The following PRKDC variants were observed in gnomAD, a reference collection of about 807,000 sequenced individuals.
PRKDC encodes the protein protein kinase, DNA-activated, catalytic subunit, also known as DNA-dependent protein kinase catalytic subunit.
In PRKDC, 82 loss-of-function variants were observed where a neutral mutation model predicts 486.9. That is an observed-to-expected ratio of 0.17 (90% confidence interval 0.14 to 0.20). The LOEUF is 0.20. Ranked by LOEUF, PRKDC falls within the 10% of genes least tolerant of loss-of-function variation. The probability of loss-of-function intolerance (pLI) is 1.00; values close to 1 mark genes in which losing one functional copy is unlikely to be tolerated. For missense variants in PRKDC, 4,504 were observed against 5,038.2 expected (o/e 0.89, Z 3.21); for synonymous variants, 1,895 against 1,837.0 (o/e 1.03, Z -0.81).
intron 68 of PRKDC, among the ~76,000 whole-genome samples, chr8:47,813,057 T>C (rs2087366684): frequency 6.6e-6 from 1 of 151,758 alleles, no homozygotes. Flanking sequence ...GATTGAAAAA[T>C]ACAATTTAAC....
At chr8:47,867,956 TCTTC>T (rs1425841623) in intron 40 of PRKDC, among the ~76,000 whole-genome samples, 1 of 152,226 alleles carries the variant, frequency 6.6e-6, no homozygotes, top group Non-Finnish European at 1.5e-5. Flanking sequence ...TAATGAGTTT[TCTTC>T]CTTTATTCTA....
intron 45 of PRKDC, among the ~76,000 whole-genome samples, chr8:47,860,274 T>A (rs2088646256): frequency 6.6e-6 from 1 of 152,224 alleles, no homozygotes; most frequent in Non-Finnish European, 1.5e-5. Context: ...AGGAAGAGTC[T>A]ACTTCAGGGG....
intron 21 of PRKDC, among the ~76,000 whole-genome samples, chr8:47,926,155 T>C (rs2090154153): frequency 6.6e-6 from 1 of 152,238 alleles, no homozygotes; most frequent in African/African-American, 2.4e-5. Context: ...TTCATTTTAC[T>C]AAGTGATGTA....
At chr8:47,933,295 TAA>T (rs1338730416) in intron 15 of PRKDC, 123 bp from the exon 16 acceptor site, 1 of 765,006 alleles carries the variant, frequency 1.3e-6, no homozygotes, top group Non-Finnish European at 1.9e-6. Flanking sequence ...ACAGTGATGA[TAA>T]ACTGCAGCAG....
intron 30 of PRKDC, among the ~76,000 whole-genome samples, chr8:47,894,907 T>C (rs1471932575): frequency 6.6e-6 from 1 of 151,946 alleles, no homozygotes; most frequent in Non-Finnish European, 1.5e-5. Context: ...AGACCCTATC[T>C]CTACAAAAAA....
chr8:47,904,989 T>C lies in PRKDC; in HGVS notation c.2935-13A>G, dbSNP rs761624091. On this transcript the variant is annotated splice_polypyrimidine_tract_variant and intron_variant, in intron 25 of 85. Coordinates refer to ENST00000314191, the MANE Select transcript of PRKDC (RefSeq NM_006904.7). ...GTTGCCTTGTCACCTGAAGAAACAA[T>C]ACCATTAAAGTTAATTCCCTTCATG... 4 of 1,571,496 alleles carry C rather than the reference T, an allele frequency of 2.5e-6. No individual in the cohort carries two copies. The highest frequency in any genetic ancestry group is 2.7e-5 in the African/African-American group (2 of 73,932).
At chr8:47,930,049 G>T (rs1324400432) in intron 17 of PRKDC, 37 bp from the exon 18 acceptor site, 1 of 1,551,970 alleles carries the variant, frequency 6.4e-7, no homozygotes, top group Non-Finnish European at 8.8e-7. Context: ...GTAGAAATTT[G>T]TATCATTCTG....
At chr8:47,833,698 G>A (rs934915181) in intron 59 of PRKDC, among the ~76,000 whole-genome samples, 3 of 152,104 alleles carry the variant, frequency 2.0e-5, no homozygotes, top group East Asian at 1.9e-4. Context: ...ACTCTAGCAT[G>A]CCCCGAAGCG....
At position 47,807,291 on chromosome 8, in the gene PRKDC, G is replaced by C. The variant is rs55793951; in HGVS notation, c.9593C>G (p.Thr3198Ser). ...CATACTATTATCTTCTGGAAGAGGG[G>C]TAAGCTTCTCCTCTATTTTGCTGAG... is the stretch of plus-strand genomic sequence containing the variant. ...FFLSKIEEKL[T>S]PLPEDNSMNV... Residue 3198 changes from threonine to serine, a missense_variant, in exon 69 of 86, where the codon ACC (threonine) becomes AGC (serine). Transcript: ENST00000314191. The C allele has an allele frequency of 7.4e-4, 1,184 of 1,599,860 alleles. 16 individuals carry two copies. In the East Asian group the frequency reaches 0.024, roughly 33 times the overall value.
At position 47,782,429 on chromosome 8, in the gene PRKDC, C is replaced by A; in HGVS notation, c.11345G>T (p.Ser3782Ile). 1 of 1,600,854 alleles carries A rather than the reference C, an allele frequency of 6.2e-7. No individual in the cohort carries two copies. Among genetic ancestry groups the A allele is most frequent in the Non-Finnish European group, 8.5e-7 (1 of 1,174,576 alleles). ...NGILAQDSAC[S>I]QRALQLRTYS... ...GGTCCTCAGCTGCAGGGCCCTCTGGCTGCAGGCGGAGTCTTGGGCCAGGAT... is the reference window on the plus strand; with the variant it reads ...GGTCCTCAGCTGCAGGGCCCTCTGGATGCAGGCGGAGTCTTGGGCCAGGAT... The change falls in exon 79 of 86, where the codon AGC (serine) becomes ATC (isoleucine). Residue 3782 changes from serine to isoleucine, a missense_variant. Around this residue, in one of 6 missense-constraint regions of PRKDC, gnomAD observed 706 missense variants for 945.0 expected, o/e 0.75. Transcript: ENST00000314191. This position sits in a 1 kb window ranked among gnomAD's most constrained non-coding sequence, Gnocchi z 4.9.
intron 68 of PRKDC, among the ~76,000 whole-genome samples, chr8:47,812,938 GAAT>G (rs1381396462): frequency 7.9e-5 from 12 of 151,720 alleles, no homozygotes; most frequent in African/African-American, 2.4e-4. Context: ...AAAAGGATGA[GAAT>G]AATGTGAACA....
In PRKDC at chr8:47,912,527, C is replaced by T; in HGVS notation, c.2817G>A (p.Met939Ile). 2 of 1,612,836 alleles carry T rather than the reference C, an allele frequency of 1.2e-6. No homozygotes were observed. The highest frequency in any genetic ancestry group is 1.7e-6 in the Non-Finnish European group (2 of 1,179,272). ...TCTGCGTGGCTTTGCCCAACATAAA[C>T]ATAACCATGCTATGTAAAAGTTCAC... The part of the protein sequence containing the change: ...AACELLHSMV[M>I]FMLGKATQMP... The change falls in exon 25 of 86, where the codon ATG becomes ATA. Residue 939 changes from methionine (M) to isoleucine (I), a missense_variant. By Grantham distance (10) the Met-to-Ile change is conservative. Transcript: ENST00000314191.
chr8:47,906,220 G>A (rs982678759), intron 25 of PRKDC, among the ~76,000 whole-genome samples: 1 of 152,148 alleles, frequency 6.6e-6, no homozygotes, highest in Non-Finnish European at 1.5e-5. Context: ...GGTGGTGCGT[G>A]CCTGTAGTCC....
intron 68 of PRKDC, among the ~76,000 whole-genome samples, chr8:47,808,278 G>C (rs2087255942): frequency 6.6e-6 from 1 of 151,744 alleles, no homozygotes; most frequent in Admixed American, 6.6e-5. Flanking sequence ...AATAGCCGGG[G>C]TTGGTTACAG....
chr8:47,800,526 T>C (rs2087083214), intron 71 of PRKDC, among the ~76,000 whole-genome samples: 1 of 151,912 alleles, frequency 6.6e-6, no homozygotes, highest in South Asian at 2.1e-4. Flanking sequence ...AGTTAATGGG[T>C]GCAGCACACC....
At chr8:47,858,399 CCT>C (rs2088594114) in intron 48 of PRKDC, 115 bp downstream of exon 48, 2 of 1,002,612 alleles carry the variant, frequency 2.0e-6, no homozygotes, top group East Asian at 6.0e-5. Context: ...TTTATATTTT[CCT>C]TTTTTGTGTG....
rs556770360 is a variant in PRKDC at position 47,813,988 on chromosome 8, T to C, written c.9557+3462A>G. On this transcript the variant is annotated intron_variant, in intron 68 of 85. Transcript: ENST00000314191. ...TACAAAAAAGAAAATTACACACCAA[T>C]ATCCCACTTGGATGTAGATGCTAAA... 3.3e-5 allele frequency among the ~76,000 whole-genome samples: 5 copies of C among 152,284 alleles called. No homozygotes were observed. In the South Asian group the frequency reaches 8.3e-4, roughly 25 times the overall value.
intron 40 of PRKDC, among the ~76,000 whole-genome samples, chr8:47,866,156 CA>C (rs766279016): frequency 0.22 from 11,523 of 52,476 alleles, 633 homozygotes; most frequent in African/African-American, 0.38. Flanking sequence ...AACTCCGTCG[CA>C]AAAAAAAAAA....
chr8:47,806,309 C>T (rs1263689712), intron 69 of PRKDC, among the ~76,000 whole-genome samples: 1 of 152,226 alleles, frequency 6.6e-6, no homozygotes, highest in South Asian at 2.1e-4. Flanking sequence ...CTCCCCATGA[C>T]CCCAACTCCC....
Sources: allele counts gnomAD v4.1 joint callset (sites outside exome capture counted in the v4.1 genomes callset), GRCh38; gene constraint gnomAD v4.1.1; regional missense constraint gnomAD v4.1.1; non-coding constraint Gnocchi (gnomAD v3.1); transcripts MANE v1.5; gene names NCBI Gene and HGNC (gene_info 2026-07-23, HGNC 2026-07-21).